ARAP2: variants seen among roughly 807,000 people sequenced by gnomAD.
ARAP2 encodes arf-GAP with Rho-GAP domain, ANK repeat and PH domain-containing protein 2.
A neutral mutation model predicts 194.5 loss-of-function variants in ARAP2; 148 were observed. That is an observed-to-expected ratio of 0.76 (90% confidence interval 0.67 to 0.87). The LOEUF is 0.87. Among genes scored for constraint, ARAP2 ranks in the 40% least tolerant of loss-of-function variants. The pLI is 0.00. For synonymous variants in ARAP2, 695 were observed against 683.5 expected (o/e 1.02, Z -0.26); for missense variants, 2,128 against 1,989.7 (o/e 1.07, Z -1.32).
intron 27 of ARAP2, among the ~76,000 whole-genome samples, chr4:36,105,531 T>C (rs1224930027): frequency 6.6e-6 from 1 of 151,984 alleles, no homozygotes; most frequent in Non-Finnish European, 1.5e-5. Context: ...GAAGATGTAA[T>C]GGGATAGGTG....
At chr4:36,082,386 G>A in intron 29 of ARAP2, 100 bp from the exon 30 acceptor site, 4 of 1,190,914 alleles carry the variant, frequency 3.4e-6, no homozygotes, top group Non-Finnish European at 4.8e-6. Context: ...TTTAATGGTG[G>A]GAATGCATAG....
chr4:36,015,032 AAC>A (rs1384465652), intron 8 of ARAP2, among the ~76,000 whole-genome samples: 1 of 152,196 alleles, frequency 6.6e-6, no homozygotes, highest in Non-Finnish European at 1.5e-5. Flanking sequence ...TGTTAGGGGA[AAC>A]ACAGAGATGT....
downstream of ARAP2, among the ~76,000 whole-genome samples, chr4:36,061,164 T>A (rs1724371887): frequency 6.6e-6 from 1 of 152,188 alleles, no homozygotes; most frequent in East Asian, 1.9e-4. Flanking sequence ...ACTAATCACT[T>A]CATGAAAAAT....
intron 28 of ARAP2, among the ~76,000 whole-genome samples, chr4:36,089,455 G>C (rs570116117): frequency 1.6e-4 from 24 of 152,206 alleles, no homozygotes; most frequent in South Asian, 4.1e-4. Flanking sequence ...TGCTTGAGTA[G>C]AGCCACTGGA....
rs756635946 is a variant in ARAP2 at position 36,193,601 on chromosome 4, T to C, written c.1534A>G (p.Ile512Val). 4 of 1,596,542 alleles carry C rather than the reference T, an allele frequency of 2.5e-6. No homozygotes were observed. The African/African-American group carries it at 5.4e-5, about 21-fold the overall frequency. ...ACCTTCTCATTATTGTAGTAAGAAA[T>C]GCTAAGGCCATCAAATTTCACCCAT... ...KRWVKFDGLSISYYNNEKEMY... is the reference protein window; with the variant it reads ...KRWVKFDGLSVSYYNNEKEMY... The change falls in exon 7 of 33, where the codon ATT (isoleucine) becomes GTT (valine). Residue 512 changes from isoleucine to valine, a missense_variant. Transcript: ENST00000303965.
rs778582238 is a variant in ARAP2 at position 36,187,507 on chromosome 4, T to C, written c.1622A>G (p.Asn541Ser). The change falls in exon 8 of 33, where the codon AAC becomes AGC. Residue 541 changes from asparagine (N) to serine (S), a missense_variant. Asn to Ser is a conservative substitution (Grantham distance 46). Transcript: ENST00000303965. ...AISTVRVQGD[N>S]KFEVVTTQRT... ...TTGTGTTGTAACAACTTCAAATTTG[T>C]TGTCTCCTTGAACTCGTACTGTTGA... 2 of 1,550,062 alleles carry C rather than the reference T, an allele frequency of 1.3e-6. No individual in the cohort carries two copies. The highest frequency in any genetic ancestry group is 3.9e-5 in the Admixed American group (2 of 51,828).
intron 32 of ARAP2, among the ~76,000 whole-genome samples, chr4:36,072,550 T>A (rs1000848470): frequency 2.6e-5 from 4 of 151,990 alleles, no homozygotes; most frequent in Admixed American, 2.6e-4. Flanking sequence ...CTATGTTAGT[T>A]TCATCTGTTC....
At chr4:36,045,932 A>G (rs1721768336) in intron 5 of ARAP2, 1 of 152,160 alleles carries the variant, frequency 6.6e-6, no homozygotes, top group Non-Finnish European at 1.5e-5. Context: ...ATTGTCAGAG[A>G]AGTTTACCTA....
At chr4:36,126,232 C>T (rs1212925769) in intron 21 of ARAP2, among the ~76,000 whole-genome samples, 5 of 151,954 alleles carry the variant, frequency 3.3e-5, no homozygotes, top group Admixed American at 6.6e-5. Flanking sequence ...AACATTTATC[C>T]TCGCGTTATC....
chr4:36,233,979 G>C (rs893333146), intron 1 of ARAP2, among the ~76,000 whole-genome samples: 9 of 152,146 alleles, frequency 5.9e-5, no homozygotes, highest in Non-Finnish European at 1.2e-4. Context: ...GAATGCTCTT[G>C]GACTTACAAT....
chr4:36,193,457 C>A, intron 7 of ARAP2, 121 bp downstream of exon 7: 1 of 537,402 alleles, frequency 1.9e-6, no homozygotes, highest in South Asian at 3.8e-5. Context: ...TTATTAGTTG[C>A]AACTTCAAAT....
At chr4:36,094,076 G>C (rs1198051036) in intron 27 of ARAP2, among the ~76,000 whole-genome samples, 1 of 152,120 alleles carries the variant, frequency 6.6e-6, no homozygotes, top group Non-Finnish European at 1.5e-5. Flanking sequence ...CCTCCAGTTT[G>C]GTTTACACGT....
At chr4:36,032,397 T>C (rs1183171263) in intron 5 of ARAP2, among the ~76,000 whole-genome samples, 1 of 152,216 alleles carries the variant, frequency 6.6e-6, no homozygotes, top group Admixed American at 6.5e-5. Context: ...AAACTTAGTT[T>C]CTACTCTTTA....
At chr4:36,025,754 T>A (rs150476425) in intron 5 of ARAP2, among the ~76,000 whole-genome samples, 485 of 151,832 alleles carry the variant, frequency 3.2e-3, no homozygotes, top group Admixed American at 7.0e-3. Flanking sequence ...GATAATGGTA[T>A]CACGTAAAAT....
intron 6 of ARAP2, among the ~76,000 whole-genome samples, chr4:36,205,252 G>A (rs1246708038): frequency 6.6e-6 from 1 of 151,890 alleles, no homozygotes; most frequent in African/African-American, 2.4e-5. Context: ...GAATAAATAT[G>A]ATCTTCCATG....
chr4:36,215,262 T>C (rs1178864386), intron 2 of ARAP2, among the ~76,000 whole-genome samples: 2 of 152,210 alleles, frequency 1.3e-5, no homozygotes, highest in African/African-American at 4.8e-5. Context: ...TGGAATTGAA[T>C]AGAAAGTCCA....
chr4:36,222,305 T>C (rs1450465745), intron 2 of ARAP2, among the ~76,000 whole-genome samples: 1 of 152,098 alleles, frequency 6.6e-6, no homozygotes, highest in Non-Finnish European at 1.5e-5. Context: ...ATGTTATTTT[T>C]ATTACAGAAA....
chr4:36,015,023 G>T (rs1430523573), intron 8 of ARAP2, among the ~76,000 whole-genome samples: 1 of 152,170 alleles, frequency 6.6e-6, no homozygotes, highest in Non-Finnish European at 1.5e-5. Flanking sequence ...TGAAAAAAGT[G>T]TTAGGGGAAA....
At chr4:36,101,736 C>A (rs1269980220) in intron 27 of ARAP2, among the ~76,000 whole-genome samples, 2 of 151,960 alleles carry the variant, frequency 1.3e-5, no homozygotes, top group Non-Finnish European at 2.9e-5. Context: ...TTGTGGCTCA[C>A]AATTATGTGA....
Sources: gnomAD v4.1 joint callset for allele counts (sites outside exome capture counted in the v4.1 genomes callset) on GRCh38, gnomAD v4.1.1 for gene constraint, MANE v1.5 for transcripts, NCBI Gene and HGNC (gene_info 2026-07-23, HGNC 2026-07-21) for gene names.